Variants in MAK observed in about 807,000 individuals in gnomAD.
The protein encoded by MAK is male germ cell associated kinase, also known as serine/threonine-protein kinase MAK.
In MAK, 65 loss-of-function variants were observed where a neutral mutation model predicts 82.6. That is an observed-to-expected ratio of 0.79 (90% CI 0.64 to 0.97). The LOEUF is 0.97. Among genes scored for constraint, MAK ranks in the 50% least tolerant of loss-of-function variants. The pLI is 0.00. For missense variants in MAK, 703 were observed against 780.2 expected (o/e 0.90, Z 1.18); for synonymous variants, 250 against 274.2 (o/e 0.91, Z 0.87).
At chr6:10,768,298 C>G (rs971501476) in intron 14 of MAK, among the ~76,000 whole-genome samples, 1 of 151,940 alleles carries the variant, frequency 6.6e-6, no homozygotes, top group Admixed American at 6.6e-5. Flanking sequence ...AAAATGTGGC[C>G]GGGTGCAGTG....
rs760856440 is a variant in MAK at position 10,801,876 on chromosome 6, G to A, written c.831+16C>T. The A allele has an allele frequency of 6.2e-7, 1 of 1,613,428 alleles. No individual in the cohort carries two copies. Among genetic ancestry groups the A allele is most frequent in the East Asian group, 2.2e-5 (1 of 44,870 alleles). On this transcript the variant is annotated intron_variant, in intron 8 of 14. Transcript: ENST00000354489. ...CCTAAACATTTTTAAAGGTCTAACA[G>A]GAAGACTCCTCTTACCTGGCTTGCT...
intron 6 of MAK, among the ~76,000 whole-genome samples, chr6:10,805,263 A>G (rs1776337507): frequency 6.6e-6 from 1 of 152,154 alleles, no homozygotes; most frequent in African/African-American, 2.4e-5. Flanking sequence ...CATGTATTTC[A>G]ATGTTCAATA....
intron 6 of MAK, among the ~76,000 whole-genome samples, chr6:10,804,393 A>C (rs1207152057): frequency 6.6e-6 from 1 of 152,114 alleles, no homozygotes; most frequent in Admixed American, 6.5e-5. Context: ...CCCAGGCTGG[A>C]GTGCAATGGC....
At chr6:10,773,894 T>G (rs1773233571) in intron 12 of MAK, among the ~76,000 whole-genome samples, 1 of 151,894 alleles carries the variant, frequency 6.6e-6, no homozygotes, top group South Asian at 2.1e-4. Context: ...AGAGACAGGG[T>G]TTCACCATGT....
chr6:10,784,910 A>G (rs1774393624), intron 10 of MAK: 1 of 494,620 alleles, frequency 2.0e-6, no homozygotes, highest in South Asian at 1.5e-5. Flanking sequence ...AATAACAGCC[A>G]TCTTCACCTG....
intron 11 of MAK, among the ~76,000 whole-genome samples, 173 bp from the exon 12 acceptor site, chr6:10,775,632 A>G (rs1435630900): frequency 6.6e-6 from 1 of 152,232 alleles, no homozygotes; most frequent in African/African-American, 2.4e-5. Context: ...CATGATACCA[A>G]GCCCTTAGCA....
At chr6:10,788,869 TC>T (rs1455401975) in intron 10 of MAK, among the ~76,000 whole-genome samples, 2 of 152,194 alleles carry the variant, frequency 1.3e-5, no homozygotes, top group African/African-American at 4.8e-5. Context: ...TAAATAGACA[TC>T]TATAATTTTT....
intron 5 of MAK, 64 bp from the exon 6 acceptor site, chr6:10,809,006 AT>A: frequency 7.3e-7 from 1 of 1,378,552 alleles, no homozygotes. Context: ...GCTTTATTTG[AT>A]TTATAAACAA....
chr6:10,826,149 T>A (rs1203762390), intron 2 of MAK, among the ~76,000 whole-genome samples: 2 of 152,096 alleles, frequency 1.3e-5, no homozygotes, highest in Non-Finnish European at 2.9e-5. Flanking sequence ...CTACACTTCT[T>A]TCAGTTACTC....
intron 9 of MAK, among the ~76,000 whole-genome samples, chr6:10,792,522 TCTGA>T (rs1365476411): frequency 6.6e-6 from 1 of 152,106 alleles, no homozygotes; most frequent in Non-Finnish European, 1.5e-5. Context: ...GAAGTATGAG[TCTGA>T]CTGTCACAGA....
intron 11 of MAK, among the ~76,000 whole-genome samples, chr6:10,782,735 G>A (rs1382558730): frequency 2.0e-5 from 3 of 151,798 alleles, no homozygotes; most frequent in Admixed American, 6.6e-5. Flanking sequence ...CCACCACCAC[G>A]TCCAGCTAAT....
chr6:10,797,908 G>A, intron 8 of MAK: 1 of 1,266,840 alleles, frequency 7.9e-7, no homozygotes, highest in Non-Finnish European at 1.0e-6. Context: ...GTTTGTTAAG[G>A]GTTACTTGCA....
At position 10,770,235 on chromosome 6, in the gene MAK, T is replaced by C; in HGVS notation, c.1673-5A>G. 6.2e-7 allele frequency: 1 copy of C among 1,613,814 alleles called. No homozygotes were observed. ...TAGCATAACTTCCAAGATTTCCTAG[T>C]GACATATCATAAAGTTTCACAGTCA... On this transcript the variant is annotated splice_polypyrimidine_tract_variant and splice_region_variant and intron_variant, in intron 13 of 14. Transcript: ENST00000354489.
intron 11 of MAK, among the ~76,000 whole-genome samples, chr6:10,784,028 A>C (rs1194342041): frequency 6.6e-6 from 1 of 151,260 alleles, no homozygotes; most frequent in Non-Finnish European, 1.5e-5. Context: ...CAAAAAAAAC[A>C]AAAAAACAAA....
At position 10,791,720 on chromosome 6, in the gene MAK, C is replaced by G; in HGVS notation, c.1271G>C (p.Ser424Thr). The G allele has an allele frequency of 1.2e-6, 2 of 1,613,954 alleles. No homozygotes were observed. The highest frequency in any genetic ancestry group is 8.5e-7 in the Non-Finnish European group (1 of 1,179,974). ...CCTTTTTTCTTTAAAAACACCCATG[C>G]TTGGCTTCTTGGAATGGGAGGCTCC... ...DFGASHSKKP[S>T]MGVFKEKRKK... Residue 424 changes from serine (S) to threonine (T), a missense_variant, in exon 10 of 15, where the codon AGC (serine) becomes ACC (threonine). Coordinates refer to ENST00000354489, the MANE Select transcript of MAK (RefSeq NM_001242957.3).
chr6:10,807,277 CCCTTT>C (rs1561979178), intron 6 of MAK, among the ~76,000 whole-genome samples: 1 of 151,438 alleles, frequency 6.6e-6, no homozygotes, highest in Non-Finnish European at 1.5e-5. Flanking sequence ...ACTCCCTGCC[CCCTTT>C]CCTATTTTAT....
intron 11 of MAK, among the ~76,000 whole-genome samples, chr6:10,780,988 C>G (rs541921694): frequency 6.6e-6 from 1 of 152,276 alleles, no homozygotes; most frequent in Admixed American, 6.5e-5. Flanking sequence ...CAACCCTGGT[C>G]TTGATCCCAA....
At chr6:10,814,041 C>G (rs9467624) in intron 4 of MAK, among the ~76,000 whole-genome samples, 84,395 of 151,606 alleles carry the variant, frequency 0.56, 23,678 homozygotes, top group Non-Finnish European at 0.6. Context: ...GCAATCTCGG[C>G]TCACTGAAAC....
chr6:10,783,164 C>T (rs1470295352), intron 11 of MAK, among the ~76,000 whole-genome samples: 1 of 152,142 alleles, frequency 6.6e-6, no homozygotes, highest in Non-Finnish European at 1.5e-5. Context: ...TCTTCTCCCT[C>T]ACTGGATTAA....
Sources: allele counts gnomAD v4.1 joint callset (sites outside exome capture counted in the v4.1 genomes callset), GRCh38; gene constraint gnomAD v4.1.1; transcripts MANE v1.5; gene names NCBI Gene and HGNC (gene_info 2026-07-23, HGNC 2026-07-21).